Variants in CDH18 observed in about 807,000 individuals in gnomAD.
CDH18 encodes cadherin-18.
A neutral mutation model predicts 67.9 loss-of-function variants in CDH18; 31 were observed. The ratio of observed to expected loss-of-function variants is 0.46; its 90% CI spans 0.34 to 0.62. The LOEUF is 0.62. Among genes scored for constraint, CDH18 ranks in the 20% least tolerant of loss-of-function variants. The probability of loss-of-function intolerance (pLI) is 0.01; values close to 1 mark genes in which losing one functional copy is unlikely to be tolerated. For missense variants in CDH18, 890 were observed against 975.5 expected (o/e 0.91, Z 1.17); for synonymous variants, 362 against 347.2 (o/e 1.04, Z -0.48).
chr5:19,852,823 C>T (rs972280672), intron 2 of CDH18, among the ~76,000 whole-genome samples: 2 of 151,956 alleles, frequency 1.3e-5, no homozygotes, highest in African/African-American at 4.8e-5. Flanking sequence ...ATCCATTTGG[C>T]CAAACAGAAC....
intron 5 of CDH18, among the ~76,000 whole-genome samples, chr5:19,706,978 A>C (rs187761619): frequency 6.6e-6 from 1 of 152,340 alleles, no homozygotes; most frequent in Non-Finnish European, 1.5e-5. Flanking sequence ...GTAAAGACAG[A>C]AGCAGAGCAA....
chr5:19,569,038 C>G (rs576129544), intron 8 of CDH18, among the ~76,000 whole-genome samples: 4 of 152,222 alleles, frequency 2.6e-5, no homozygotes, highest in African/African-American at 9.6e-5. Context: ...CTTGGCCTAC[C>G]TTTCACTTGA....
In CDH18 at chr5:20,530,116, C is replaced by T. The variant is rs146392777; in HGVS notation, c.-580+45346G>A. ...ACAAGAGACAAGCAGAGAGCCAAAT[C>T]ATGAATGAACTCCCATTCACAGTTG... is the stretch of plus-strand genomic sequence containing the variant. On this transcript the variant is annotated intron_variant, in intron 1 of 14. Transcript: ENST00000507958. Among the ~76,000 whole-genome samples the T allele has an allele frequency of 3.4e-4, 51 of 152,004 alleles. 2 individuals are homozygous for T. Among genetic ancestry groups the T allele is most frequent in the African/African-American group, 9.4e-4 (39 of 41,384 alleles).
intron 2 of CDH18, among the ~76,000 whole-genome samples, chr5:19,867,498 CAT>C (rs1785689234): frequency 6.6e-6 from 1 of 152,162 alleles, no homozygotes. Context: ...GCATTTGCTA[CAT>C]ACTTCAAAGC....
intron 3 of CDH18, among the ~76,000 whole-genome samples, chr5:19,766,997 T>C (rs1773175840): frequency 6.6e-6 from 1 of 151,946 alleles, no homozygotes. Context: ...ACCATGCACA[T>C]CTGATTTTTA....
chr5:19,768,070 C>T (rs934877582), intron 3 of CDH18, among the ~76,000 whole-genome samples: 6 of 152,242 alleles, frequency 3.9e-5, no homozygotes, highest in Admixed American at 3.9e-4. Flanking sequence ...CTGGAGGGAA[C>T]AGAATTGAGC....
At position 19,666,508 on chromosome 5, in the gene CDH18, C is replaced by T. The variant is rs78871222; in HGVS notation, c.644-53907G>A. Among the ~76,000 whole-genome samples the T allele has an allele frequency of 3.5e-3, 533 of 151,770 alleles. 32 individuals are homozygous for T. In the East Asian group the frequency reaches 0.094, roughly 27 times the overall value. On this transcript the variant is annotated intron_variant, in intron 5 of 12. Transcript: ENST00000382275. ...TGGGGGAATAGATAAAATATTACAC[C>T]ACGAGCCAATGAAGAACACGTGACT...
At chr5:19,523,647 C>T (rs115992678) in intron 9 of CDH18, among the ~76,000 whole-genome samples, 2,174 of 152,036 alleles carry the variant, frequency 0.014, 22 homozygotes, top group South Asian at 0.031. Context: ...GCCAGACTAA[C>T]ACAATACTAA....
intron 1 of CDH18, among the ~76,000 whole-genome samples, chr5:20,544,263 G>A (rs1757215795): frequency 6.6e-6 from 1 of 151,942 alleles, no homozygotes; most frequent in African/African-American, 2.4e-5. Context: ...CATGCATGTG[G>A]GTTAATAGAG....
chr5:20,345,897 A>T (rs1740660451), intron 1 of CDH18, among the ~76,000 whole-genome samples: 1 of 152,140 alleles, frequency 6.6e-6, no homozygotes, highest in Admixed American at 6.6e-5. Flanking sequence ...AGCTATGTAT[A>T]TCTCCTTTGG....
chr5:19,483,270 T>A, intron 12 of CDH18, 31 bp downstream of exon 12: 1 of 1,582,204 alleles, frequency 6.3e-7, no homozygotes, highest in East Asian at 2.2e-5. Context: ...AGAATTGCCA[T>A]CATGCAAACT....
chr5:20,258,444 C>G (rs1021611362), intron 1 of CDH18, among the ~76,000 whole-genome samples: 2 of 140,398 alleles, frequency 1.4e-5, no homozygotes, highest in African/African-American at 4.9e-5. Context: ...TGAATTTAAA[C>G]AGCAGAAAGG....
intron 1 of CDH18, among the ~76,000 whole-genome samples, chr5:20,512,749 T>A (rs745454921): frequency 8.6e-5 from 13 of 151,928 alleles, no homozygotes; most frequent in Admixed American, 2.6e-4. Flanking sequence ...CCAGGTGTGG[T>A]GGCAGGCATC....
chr5:20,533,383 G>GA (rs1554015424), intron 1 of CDH18, among the ~76,000 whole-genome samples: 1 of 151,680 alleles, frequency 6.6e-6, no homozygotes, highest in Non-Finnish European at 1.5e-5. Context: ...CTTCAAGAGG[G>GA]AAAAAAAGGG....
chr5:19,680,042 C>T (rs1231638086), intron 5 of CDH18, among the ~76,000 whole-genome samples: 1 of 151,900 alleles, frequency 6.6e-6, no homozygotes, highest in Non-Finnish European at 1.5e-5. Context: ...TCAAACTATA[C>T]TAAAAGGATA....
At chr5:20,053,637 A>G (rs1482148165) in intron 2 of CDH18, among the ~76,000 whole-genome samples, 1 of 152,124 alleles carries the variant, frequency 6.6e-6, no homozygotes. Flanking sequence ...GAAGCTGACC[A>G]CTTGTAAATC....
intron 1 of CDH18, among the ~76,000 whole-genome samples, chr5:20,435,803 A>G (rs1042606564): frequency 6.6e-6 from 1 of 152,082 alleles, no homozygotes; most frequent in African/African-American, 2.4e-5. Context: ...CTGTGAGAAC[A>G]CATTTTAAAA....
chr5:19,705,248 G>A (rs1763801660), intron 5 of CDH18, among the ~76,000 whole-genome samples: 1 of 152,114 alleles, frequency 6.6e-6, no homozygotes, highest in Admixed American at 6.6e-5. Flanking sequence ...TTTAATTATA[G>A]CTCTGGACAA....
At chr5:19,883,164 T>C (rs1050718524) in intron 2 of CDH18, among the ~76,000 whole-genome samples, 1 of 152,146 alleles carries the variant, frequency 6.6e-6, no homozygotes, top group African/African-American at 2.4e-5. Context: ...TCTGTGGGCA[T>C]TGGCTGAAAA....
Sources: gnomAD v4.1 joint callset for allele counts (sites outside exome capture counted in the v4.1 genomes callset) on GRCh38, gnomAD v4.1.1 for gene constraint, MANE v1.5 for transcripts, NCBI Gene and HGNC (gene_info 2026-07-23, HGNC 2026-07-21) for gene names.